Variants in ZNF385D observed in about 807,000 individuals in gnomAD.
ZNF385D encodes the protein zinc finger protein 659.
In ZNF385D, 15 loss-of-function variants were observed where a neutral mutation model predicts 35.8. That is an observed-to-expected ratio of 0.42 (90% CI 0.28 to 0.64). The LOEUF is 0.64. Ranked by LOEUF, ZNF385D falls within the 30% of genes least tolerant of loss-of-function variation. The pLI, the probability that ZNF385D is intolerant of heterozygous loss-of-function variation, is 0.23. For synonymous variants in ZNF385D, 212 were observed against 186.8 expected (o/e 1.13, Z -1.10); for missense variants, 474 against 494.6 (o/e 0.96, Z 0.39).
intron 2 of ZNF385D, among the ~76,000 whole-genome samples, chr3:22,206,516 A>G (rs965493353): frequency 3.9e-5 from 6 of 152,152 alleles, no homozygotes; most frequent in African/African-American, 1.2e-4. Context: ...AGGATAGACC[A>G]TATGTTAGGC....
chr3:21,899,881 A>G (rs2125896151), intron 3 of ZNF385D, among the ~76,000 whole-genome samples: 1 of 152,280 alleles, frequency 6.6e-6, no homozygotes, highest in Admixed American at 6.5e-5. Context: ...TGCTTAAGAT[A>G]TAGTAAAAAT....
chr3:21,939,239 G>C (rs547753610), intron 3 of ZNF385D, among the ~76,000 whole-genome samples: 2 of 152,270 alleles, frequency 1.3e-5, no homozygotes, highest in African/African-American at 4.8e-5. Context: ...TCTACCCCGT[G>C]CCTACTTTGG....
At chr3:21,621,894 T>C (rs572325803) in intron 2 of ZNF385D, among the ~76,000 whole-genome samples, 63 of 148,676 alleles carry the variant, frequency 4.2e-4, no homozygotes, top group African/African-American at 1.0e-3. Flanking sequence ...TGTGTGTGTG[T>C]GCGTGCACGC....
At chr3:22,208,857 T>C (rs1388601465) in intron 2 of ZNF385D, among the ~76,000 whole-genome samples, 2 of 152,038 alleles carry the variant, frequency 1.3e-5, no homozygotes, top group African/African-American at 4.8e-5. Flanking sequence ...AATTGAGTCA[T>C]AGTCCTTGAT....
chr3:21,696,549 A>T (rs1455163142), intron 1 of ZNF385D, among the ~76,000 whole-genome samples: 1 of 152,232 alleles, frequency 6.6e-6, no homozygotes, highest in Non-Finnish European at 1.5e-5. Flanking sequence ...CAGAGCACTT[A>T]AACAAACATT....
intron 1 of ZNF385D, among the ~76,000 whole-genome samples, chr3:21,713,537 C>T (rs1234279540): frequency 6.6e-6 from 1 of 152,148 alleles, no homozygotes. Flanking sequence ...ATTTCATATC[C>T]TCCAAACAAT....
At chr3:21,885,708 T>C (rs1302569476) in intron 3 of ZNF385D, among the ~76,000 whole-genome samples, 1 of 150,578 alleles carries the variant, frequency 6.6e-6, no homozygotes, top group East Asian at 1.9e-4. Flanking sequence ...TATTAGGGTT[T>C]TCCATGGAAA....
At chr3:22,357,721 T>C (rs1292658056) in intron 2 of ZNF385D, among the ~76,000 whole-genome samples, 5 of 151,784 alleles carry the variant, frequency 3.3e-5, no homozygotes, top group Admixed American at 6.6e-5. Flanking sequence ...CCATCTGGAG[T>C]ACTGTTTGTC....
chr3:22,015,253 T>C (rs1842313), intron 3 of ZNF385D, among the ~76,000 whole-genome samples: 2,088 of 152,310 alleles, frequency 0.014, 42 homozygotes, highest in African/African-American at 0.047. Flanking sequence ...CAATTTATAA[T>C]GCCTTAATTA....
chr3:21,612,588 T>C (rs17009147), intron 2 of ZNF385D, among the ~76,000 whole-genome samples: 405 of 152,306 alleles, frequency 2.7e-3, no homozygotes, highest in African/African-American at 8.4e-3. Flanking sequence ...CAAAGGATAA[T>C]TTAGCTCTTA....
chr3:22,338,239 T>G (rs1575148896), intron 2 of ZNF385D, among the ~76,000 whole-genome samples: 1 of 152,342 alleles, frequency 6.6e-6, no homozygotes, highest in East Asian at 1.9e-4. Flanking sequence ...CTTAGTTTTA[T>G]GTACAGTATA....
intron 2 of ZNF385D, among the ~76,000 whole-genome samples, chr3:22,323,831 A>T (rs1482781608): frequency 2.0e-5 from 3 of 152,166 alleles, no homozygotes; most frequent in Non-Finnish European, 4.4e-5. Context: ...TACATGTAAC[A>T]TTCATGAGGC....
At chr3:21,764,750 C>T (rs964525993) in intron 3 of ZNF385D, among the ~76,000 whole-genome samples, 3 of 152,210 alleles carry the variant, frequency 2.0e-5, no homozygotes, top group East Asian at 3.9e-4. Flanking sequence ...GCTGTGTGCA[C>T]TGAATTCTAT....
rs1194451673 is a variant in ZNF385D, at chr3:21,543,926, T to C, written c.276+20648A>G. Among the ~76,000 whole-genome samples, 4 of 152,306 alleles carry C rather than the reference T, an allele frequency of 2.6e-5. No homozygotes were observed. The East Asian group carries it at 7.7e-4, about 29-fold the overall frequency. On this transcript the variant is annotated intron_variant, in intron 3 of 7. Coordinates refer to ENST00000281523, the MANE Select transcript of ZNF385D (RefSeq NM_024697.3). ...AATCCTGCCTTAGGAAGTAAGTTTC[T>C]TTCTGGTTTGATATCTGCATGTTTT...
chr3:21,953,547 A>G (rs533371958), intron 3 of ZNF385D, among the ~76,000 whole-genome samples: 2 of 152,178 alleles, frequency 1.3e-5, no homozygotes, highest in East Asian at 1.9e-4. Context: ...AGTTTATTCA[A>G]TAGCTTTGGT....
intron 2 of ZNF385D, among the ~76,000 whole-genome samples, chr3:21,606,735 C>T (rs900604677): frequency 2.0e-5 from 3 of 152,194 alleles, no homozygotes; most frequent in African/African-American, 7.2e-5. Context: ...TAAATAAATT[C>T]CACCATCAGA....
chr3:22,229,269 C>G (rs1370891109), intron 2 of ZNF385D, among the ~76,000 whole-genome samples: 1 of 152,148 alleles, frequency 6.6e-6, no homozygotes. Flanking sequence ...TGTTAACTCT[C>G]TTTGGAAAAC....
intron 3 of ZNF385D, among the ~76,000 whole-genome samples, chr3:21,760,695 C>T (rs1334620354): frequency 6.6e-6 from 1 of 152,108 alleles, no homozygotes; most frequent in Non-Finnish European, 1.5e-5. Flanking sequence ...AAGAGCAGTA[C>T]TGACTAAATA....
At chr3:22,038,101 G>A (rs1460685225) in intron 3 of ZNF385D, among the ~76,000 whole-genome samples, 1 of 152,152 alleles carries the variant, frequency 6.6e-6, no homozygotes, top group Admixed American at 6.5e-5. Context: ...AGACTTAAAT[G>A]TTAGGCACAT....
Sources: gnomAD v4.1 joint callset for allele counts (sites outside exome capture counted in the v4.1 genomes callset) on GRCh38, gnomAD v4.1.1 for gene constraint, MANE v1.5 for transcripts, NCBI Gene and HGNC (gene_info 2026-07-23, HGNC 2026-07-21) for gene names.